L3MBTL3: variants seen among roughly 807,000 people sequenced by gnomAD.
L3MBTL3 encodes lethal(3)malignant brain tumor-like protein 3.
Under a neutral mutation model 102.3 loss-of-function variants are expected in L3MBTL3, and 27 were observed. The observed-to-expected ratio is 0.26, with a 90% CI of 0.19 to 0.36. The LOEUF (loss-of-function observed/expected upper bound fraction) is 0.36, where lower values mean the gene tolerates loss of function less well. Ranked by LOEUF, L3MBTL3 falls within the 10% of genes least tolerant of loss-of-function variation. The probability of loss-of-function intolerance (pLI) is 1.00; values close to 1 mark genes in which losing one functional copy is unlikely to be tolerated. For missense variants in L3MBTL3, 798 were observed against 955.3 expected (o/e 0.84, Z 2.17); for synonymous variants, 340 against 320.9 (o/e 1.06, Z -0.64).
chr6:130,140,453 A>G lies in L3MBTL3; in HGVS notation c.*700A>G, dbSNP rs968443593. 5 of 152,688 alleles carry G rather than the reference A, an allele frequency of 3.3e-5. No individual in the cohort carries two copies. Among genetic ancestry groups the G allele is most frequent in the African/African-American group, 7.2e-5 (3 of 41,466 alleles). 9.5% of individuals were successfully genotyped at this position (152,688 alleles called of 1,614,324 possible). A position where few individuals can be genotyped will look rare whatever the true frequency, so the allele number is the denominator to read the frequency against. On this transcript the variant is annotated 3_prime_UTR_variant, in exon 23 of 23. Transcript: ENST00000361794. The stretch of plus-strand genomic sequence containing the variant: ...TTACCAAAAACATGTATATAAAAGA[A>G]TGAAATTGAAAAATAAAATATATAA...
At chr6:130,029,877 T>C (rs1196206308) in intron 2 of L3MBTL3, among the ~76,000 whole-genome samples, 1 of 152,076 alleles carries the variant, frequency 6.6e-6, no homozygotes, top group Admixed American at 6.5e-5. Flanking sequence ...TGGAGTGCAG[T>C]GGGTGGTACA....
Position 130,133,367 on chromosome 6 carries a change from A to T in L3MBTL3, c.1967-85A>T. 7.7e-7 allele frequency: 1 copy of T among 1,292,416 alleles called. No individual in the cohort carries two copies. Among genetic ancestry groups the T allele is most frequent in the Non-Finnish European group, 1.1e-6 (1 of 907,146 alleles). The allele number at this position is 1,292,416 out of a possible 1,614,324, so 80.1% of individuals were successfully genotyped here. ...CAATGCTTTAACCACTCCCACCTCC[A>T]GTCTCGTTATCTGGGAGATGCACGG... On this transcript the variant is annotated intron_variant, in intron 20 of 22. Coordinates refer to ENST00000361794, the MANE Select transcript of L3MBTL3 (RefSeq NM_032438.4). The surrounding 1 kb of genome is among the most constrained non-coding windows in gnomAD (Gnocchi z 4.9).
At chr6:130,101,706 T>C (rs567189410) in intron 18 of L3MBTL3, among the ~76,000 whole-genome samples, 1 of 152,296 alleles carries the variant, frequency 6.6e-6, no homozygotes, top group African/African-American at 2.4e-5. Flanking sequence ...GTGTGTTGCT[T>C]GTACCCTGCT....
chr6:130,128,858 A>C (rs1248650772), intron 20 of L3MBTL3, among the ~76,000 whole-genome samples: 1 of 152,148 alleles, frequency 6.6e-6, no homozygotes, highest in African/African-American at 2.4e-5. Flanking sequence ...TAAGAATGGG[A>C]GACATTCTTT....
chr6:130,036,201 A>C (rs765560992), intron 2 of L3MBTL3, among the ~76,000 whole-genome samples: 16 of 152,194 alleles, frequency 1.1e-4, no homozygotes, highest in Non-Finnish European at 2.2e-4. Context: ...CAAGGGAGGA[A>C]GACTTGGGGT....
At chr6:130,069,641 A>T (rs1338996378) in intron 12 of L3MBTL3, among the ~76,000 whole-genome samples, 1 of 152,222 alleles carries the variant, frequency 6.6e-6, no homozygotes. Context: ...GAGGAAGGTC[A>T]GTTGGGTGGA....
In L3MBTL3 at chr6:130,139,831, T is replaced by C; in HGVS notation, c.*78T>C. On this transcript the variant is annotated 3_prime_UTR_variant, in exon 23 of 23. Coordinates refer to ENST00000361794, the MANE Select transcript of L3MBTL3 (RefSeq NM_032438.4). ...TTCAAAGCACAAGGACGGTTATAACTCCTAAGTGAGAAGTCTCCAAAACTC... is the reference window on the plus strand; with the variant it reads ...TTCAAAGCACAAGGACGGTTATAACCCCTAAGTGAGAAGTCTCCAAAACTC... 2.2e-6 allele frequency: 3 copies of C among 1,381,508 alleles called. No homozygotes were observed. The highest frequency in any genetic ancestry group is 3.0e-6 in the Non-Finnish European group (3 of 994,326). The allele number at this position is 1,381,508 out of a possible 1,614,324, so 85.6% of individuals were successfully genotyped here. A position where few individuals can be genotyped will look rare whatever the true frequency, so the allele number is the denominator to read the frequency against.
rs749976166 is a variant in L3MBTL3, at chr6:130,086,268, G to A, written c.1518+18G>A. ...GGGTAAAAGTAAGTGTTCTGTGTGGGGGGTTGGCTTTGTCTTTTGTTATAA... is the reference window on the plus strand; with the variant it reads ...GGGTAAAAGTAAGTGTTCTGTGTGGAGGGTTGGCTTTGTCTTTTGTTATAA... On this transcript the variant is annotated intron_variant, in intron 16 of 22. Transcript: ENST00000361794. 2.0e-6 allele frequency: 3 copies of A among 1,503,458 alleles called. No individual in the cohort carries two copies. In the South Asian group the frequency reaches 3.6e-5, roughly 18 times the overall value. 93.1% of individuals were successfully genotyped at this position (1,503,458 alleles called of 1,614,324 possible). A position where few individuals can be genotyped will look rare whatever the true frequency, so the allele number is the denominator to read the frequency against.
At chr6:130,108,490 C>G (rs1746544063) in intron 19 of L3MBTL3, among the ~76,000 whole-genome samples, 1 of 151,930 alleles carries the variant, frequency 6.6e-6, no homozygotes, top group African/African-American at 2.4e-5. Context: ...GCCTCGGCCT[C>G]CCAAATTGCT....
intron 19 of L3MBTL3, among the ~76,000 whole-genome samples, chr6:130,111,139 G>A (rs1272125523): frequency 6.6e-6 from 1 of 152,130 alleles, no homozygotes; most frequent in Non-Finnish European, 1.5e-5. Flanking sequence ...TACTTAGTAG[G>A]TCAAGAAAAT....
intron 20 of L3MBTL3, among the ~76,000 whole-genome samples, chr6:130,124,754 T>C (rs1383114732): frequency 6.6e-6 from 1 of 152,142 alleles, no homozygotes; most frequent in Non-Finnish European, 1.5e-5. Context: ...GTGGATCACC[T>C]GAGGTCAGGA....
chr6:130,132,841 A>G (rs1291106209), intron 20 of L3MBTL3, among the ~76,000 whole-genome samples: 1 of 152,056 alleles, frequency 6.6e-6, no homozygotes, highest in African/African-American at 2.4e-5. Flanking sequence ...TAGTAGTTTT[A>G]ATTTTGATCT....
At chr6:130,070,467 T>C (rs1782554624) in intron 12 of L3MBTL3, among the ~76,000 whole-genome samples, 1 of 152,224 alleles carries the variant, frequency 6.6e-6, no homozygotes, top group Non-Finnish European at 1.5e-5. Context: ...CAGCCTTTCA[T>C]ATATGAAGAT....
intron 18 of L3MBTL3, among the ~76,000 whole-genome samples, chr6:130,095,397 G>A (rs1784306303): frequency 6.6e-6 from 1 of 152,092 alleles, no homozygotes; most frequent in Admixed American, 6.5e-5. Flanking sequence ...TGTTCTATGA[G>A]GTTCAGTATG....
intron 2 of L3MBTL3, among the ~76,000 whole-genome samples, chr6:130,040,142 C>T (rs944017820): frequency 2.0e-5 from 3 of 152,070 alleles, no homozygotes; most frequent in Non-Finnish European, 4.4e-5. Flanking sequence ...GCCTGGCCAA[C>T]ATGGTGAAAC....
chr6:130,022,940 C>T (rs1266353588), intron 2 of L3MBTL3, among the ~76,000 whole-genome samples: 1 of 152,160 alleles, frequency 6.6e-6, no homozygotes, highest in African/African-American at 2.4e-5. Context: ...GGCTTCTTTC[C>T]AATACTCCAG....
chr6:130,050,205 T>G (rs1015642314), intron 5 of L3MBTL3, among the ~76,000 whole-genome samples: 17 of 152,238 alleles, frequency 1.1e-4, no homozygotes, highest in Non-Finnish European at 1.5e-5. Context: ...CGTAGATTGC[T>G]TATCTGACAC....
intron 20 of L3MBTL3, among the ~76,000 whole-genome samples, chr6:130,126,742 A>G (rs1196268145): frequency 1.3e-5 from 2 of 152,172 alleles, no homozygotes; most frequent in South Asian, 4.1e-4. Flanking sequence ...ATTTCAAAAA[A>G]GTGTAGGGAC....
intron 17 of L3MBTL3, 105 bp downstream of exon 17, chr6:130,092,964 T>C: frequency 3.0e-6 from 2 of 669,234 alleles, no homozygotes; most frequent in Admixed American, 5.1e-5. Flanking sequence ...TCTACTGATG[T>C]TTCTTCTCTA....
Sources: allele counts gnomAD v4.1 joint callset (sites outside exome capture counted in the v4.1 genomes callset), GRCh38; gene constraint gnomAD v4.1.1; non-coding constraint Gnocchi (gnomAD v3.1); transcripts MANE v1.5; gene names NCBI Gene and HGNC (gene_info 2026-07-23, HGNC 2026-07-21).